The following SMARCAD1 variants were observed in gnomAD, a reference collection of about 807,000 sequenced individuals.
SMARCAD1 encodes the protein SNF2 related chromatin remodeling ATPase with DExD box 1.
A neutral mutation model predicts 127.1 loss-of-function variants in SMARCAD1; 25 were observed. The ratio of observed to expected loss-of-function variants is 0.20; its 90% CI spans 0.14 to 0.27. SMARCAD1 has a LOEUF of 0.27. Ranked by LOEUF, SMARCAD1 falls within the 10% of genes least tolerant of loss-of-function variation. The probability of loss-of-function intolerance (pLI) is 1.00; values close to 1 mark genes in which losing one functional copy is unlikely to be tolerated. For synonymous variants in SMARCAD1, 400 were observed against 396.9 expected, an observed-to-expected ratio of 1.01 and a Z score of -0.09; for missense variants, 807 against 1,206.0, an observed-to-expected ratio of 0.67 and a Z score of 4.90.
intron 9 of SMARCAD1, among the ~76,000 whole-genome samples, chr4:94,261,002 T>G (rs1353305558): frequency 6.6e-6 from 1 of 152,146 alleles, no homozygotes; most frequent in African/African-American, 2.4e-5. Flanking sequence ...GAAGGAAATT[T>G]TACACTTCAA....
intron 9 of SMARCAD1, among the ~76,000 whole-genome samples, chr4:94,257,784 T>A (rs1750335590): frequency 6.6e-6 from 1 of 152,166 alleles, no homozygotes; most frequent in African/African-American, 2.4e-5. Context: ...ATCACCTCCA[T>A]ATCTTTATGT....
At position 94,239,563 on chromosome 4, in the gene SMARCAD1, T is replaced by TG. The variant is rs869101367; in HGVS notation, c.605-1343_605-1342insG. Reference sequence around the variant, plus strand: ...GAGTCTCTCTAGCTGCCCTGTTGTGTTTTTTTTTTTTTTTAATTTTTTATT... The same window carrying TG: ...GAGTCTCTCTAGCTGCCCTGTTGTGTGTTTTTTTTTTTTTTAATTTTTTATT... On this transcript the variant is annotated intron_variant, in intron 5 of 23. Coordinates refer to ENST00000354268, the MANE Select transcript of SMARCAD1 (RefSeq NM_020159.5). 5.0e-4 allele frequency among the ~76,000 whole-genome samples: 15 copies of TG among 30,010 alleles called. No individual in the cohort carries two copies. The East Asian group carries it at 0.035, about 69-fold the overall frequency. 19.7% of individuals were successfully genotyped at this position (30,010 alleles called of 152,430 possible).
chr4:94,257,088 CCTTTG>C (rs1750217535), intron 9 of SMARCAD1, among the ~76,000 whole-genome samples: 1 of 152,016 alleles, frequency 6.6e-6, no homozygotes, highest in Non-Finnish European at 1.5e-5. Context: ...AGAAAAAAGT[CCTTTG>C]AGTAGTCACT....
intron 23 of SMARCAD1, among the ~76,000 whole-genome samples, chr4:94,287,469 C>A (rs1464464637): frequency 6.6e-6 from 1 of 152,196 alleles, no homozygotes; most frequent in East Asian, 1.9e-4. Context: ...TGATTCCTCT[C>A]AAATATGCTT....
chr4:94,284,354 GAAAA>G (rs34876183), intron 22 of SMARCAD1, among the ~76,000 whole-genome samples: 3 of 102,836 alleles, frequency 2.9e-5, no homozygotes, highest in East Asian at 3.0e-4. Context: ...AAAAAAAAAA[GAAAA>G]AAGTAATTTC....
At position 94,229,789 on chromosome 4, in the gene SMARCAD1, A is replaced by G. The variant is rs766535861; in HGVS notation, c.368+3493A>G. Among the ~76,000 whole-genome samples, 80 of 133,916 alleles carry G rather than the reference A, an allele frequency of 6.0e-4. 1 individual carries two copies. Among genetic ancestry groups the G allele is most frequent in the Non-Finnish European group, 6.1e-4 (37 of 60,788 alleles). 87.9% of individuals were successfully genotyped at this position (133,916 alleles called of 152,430 possible). A position where few individuals can be genotyped will look rare whatever the true frequency, so the allele number is the denominator to read the frequency against. On this transcript the variant is annotated intron_variant, in intron 3 of 23. Transcript: ENST00000354268. ...AGGGAGAGAGAGAAGGAAAAATGTG[A>G]AAATGTGTGGTGTTTTTTTTTTTTT... is the stretch of plus-strand genomic sequence containing the variant.
intron 8 of SMARCAD1, among the ~76,000 whole-genome samples, chr4:94,252,308 G>A (rs570724363): frequency 2.6e-5 from 4 of 152,208 alleles, no homozygotes; most frequent in South Asian, 4.2e-4. Flanking sequence ...AGTTGAGTGG[G>A]GCTGCTAGGA....
At position 94,280,727 on chromosome 4, in the gene SMARCAD1, G is replaced by A; in HGVS notation, c.2554G>A (p.Asp852Asn). Residue 852 changes from aspartate (D) to asparagine (N), a missense_variant, in exon 20 of 24, where the codon GAT becomes AAT. Asp to Asn is a conservative substitution (Grantham distance 23, BLOSUM62 1). Around this residue, in one of 8 missense-constraint regions of SMARCAD1, gnomAD observed 99 missense variants for 126.0 expected, o/e 0.79. Coordinates refer to ENST00000354268, the MANE Select transcript of SMARCAD1 (RefSeq NM_020159.5). The part of the protein sequence containing the change: ...NFQLDMDLIL[D>N]SGKFRVLGCI... ...TCAGTTAGACATGGACTTGATTTTA[G>A]ATTCTGGAAAATTTCGAGTTTTAGG... is the stretch of plus-strand genomic sequence containing the variant. 1 of 1,613,682 alleles carries A rather than the reference G, an allele frequency of 6.2e-7. No individual in the cohort carries two copies. The highest frequency in any genetic ancestry group is 8.5e-7 in the Non-Finnish European group (1 of 1,179,848).
intron 2 of SMARCAD1, among the ~76,000 whole-genome samples, chr4:94,211,685 C>G (rs568003969): frequency 1.2e-4 from 19 of 152,262 alleles, no homozygotes; most frequent in Admixed American, 3.9e-4. Context: ...CCTTCAGTTA[C>G]TGTGCCACCA....
intron 7 of SMARCAD1, among the ~76,000 whole-genome samples, chr4:94,250,104 C>A (rs71601211): frequency 6.6e-6 from 1 of 151,598 alleles, no homozygotes; most frequent in African/African-American, 2.4e-5. Context: ...AAATTTCTTA[C>A]AAGAATTTAA....
chr4:94,208,125 G>C lies in SMARCAD1; in HGVS notation c.-50+55G>C, dbSNP rs1415562219. On this transcript the variant is annotated intron_variant, in intron 1 of 23. Coordinates refer to ENST00000354268, the MANE Select transcript of SMARCAD1 (RefSeq NM_020159.5). The stretch of plus-strand genomic sequence containing the variant: ...GTGGTTTCAGTAAGGAGGGGCGGGC[G>C]GGGGAGGCGGACGAAGGGGAGTGAA... 14 of 583,390 alleles carry C rather than the reference G, an allele frequency of 2.4e-5. No individual in the cohort carries two copies. The East Asian group carries it at 5.0e-4, about 21-fold the overall frequency. 36.1% of individuals were successfully genotyped at this position (583,390 alleles called of 1,614,324 possible). A position where few individuals can be genotyped will look rare whatever the true frequency, so the allele number is the denominator to read the frequency against.
intron 22 of SMARCAD1, 105 bp downstream of exon 22, chr4:94,283,408 G>A (rs886484861): frequency 1.4e-5 from 14 of 976,658 alleles, no homozygotes; most frequent in Admixed American, 5.7e-5. Context: ...TTGTTTTTTC[G>A]GCAAAGCATG....
intron 10 of SMARCAD1, among the ~76,000 whole-genome samples, chr4:94,266,428 AGTT>A (rs1249754511): frequency 5.3e-5 from 8 of 152,230 alleles, no homozygotes; most frequent in East Asian, 1.9e-4. Flanking sequence ...TGAGAAAAAT[AGTT>A]GTTGTTGTTG....
chr4:94,246,015 A>G (rs968103563), intron 6 of SMARCAD1, among the ~76,000 whole-genome samples: 1 of 152,100 alleles, frequency 6.6e-6, no homozygotes, highest in Non-Finnish European at 1.5e-5. Flanking sequence ...GAATCATTGC[A>G]TCTGCTGGTC....
intron 6 of SMARCAD1, among the ~76,000 whole-genome samples, chr4:94,247,872 G>C (rs578235298): frequency 3.9e-5 from 6 of 152,158 alleles, no homozygotes; most frequent in African/African-American, 1.4e-4. Flanking sequence ...TAGAATTGGG[G>C]TACATGTGCA....
chr4:94,227,201 G>A (rs1460340353), intron 3 of SMARCAD1, among the ~76,000 whole-genome samples: 1 of 152,118 alleles, frequency 6.6e-6, no homozygotes, highest in Non-Finnish European at 1.5e-5. Context: ...TGTTTTTGAG[G>A]AAAGTGGGAG....
chr4:94,245,743 T>G (rs983214263), intron 6 of SMARCAD1, among the ~76,000 whole-genome samples: 4 of 152,236 alleles, frequency 2.6e-5, no homozygotes, highest in Admixed American at 2.6e-4. Flanking sequence ...TGTATCATTT[T>G]TATTAGATTG....
intron 20 of SMARCAD1, 143 bp downstream of exon 20, chr4:94,280,923 CGTATTTTCTTGAT>C (rs1454731415): frequency 1.2e-6 from 1 of 801,568 alleles, no homozygotes; most frequent in African/African-American, 1.7e-5. Flanking sequence ...ATTTTCTTGA[CGTATTTTCTTGAT>C]TACCTCCTTT....
chr4:94,282,850 A>C (rs1579362008), intron 21 of SMARCAD1, among the ~76,000 whole-genome samples: 1 of 152,290 alleles, frequency 6.6e-6, no homozygotes, highest in East Asian at 1.9e-4. Context: ...CTAAGCCACA[A>C]GTTTAAAAAG....
Sources: gnomAD v4.1 joint callset for allele counts (sites outside exome capture counted in the v4.1 genomes callset) on GRCh38, gnomAD v4.1.1 for gene constraint, gnomAD v4.1.1 regional missense constraint, MANE v1.5 for transcripts, NCBI Gene and HGNC (gene_info 2026-07-23, HGNC 2026-07-21) for gene names.